The following MACROD1 variants were observed in gnomAD, a reference collection of about 807,000 sequenced individuals.
MACROD1 encodes the protein mono-ADP ribosylhydrolase 1, also known as ADP-ribose glycohydrolase MACROD1.
MACROD1 carries 31 observed loss-of-function variants against 41.4 expected under a neutral mutation model. That is an observed-to-expected ratio of 0.75 (90% CI 0.56 to 1.01). MACROD1 has a LOEUF of 1.01. MACROD1 is among the 50% of genes least tolerant of loss of function. The pLI, the probability that MACROD1 is intolerant of heterozygous loss-of-function variation, is 0.00. For synonymous variants in MACROD1, 252 were observed against 203.4 expected, an observed-to-expected ratio of 1.24 and a Z score of -2.03; for missense variants, 473 against 460.0, an observed-to-expected ratio of 1.03 and a Z score of -0.26.
chr11:64,027,462 C>G (rs766232556), intron 3 of MACROD1, among the ~76,000 whole-genome samples: 1 of 152,084 alleles, frequency 6.6e-6, no homozygotes, highest in Non-Finnish European at 1.5e-5. Context: ...AAGAGAAGAC[C>G]GTGGAGATGG....
At chr11:64,149,750 C>A (rs1175635633) in intron 3 of MACROD1, among the ~76,000 whole-genome samples, 3 of 152,268 alleles carry the variant, frequency 2.0e-5, no homozygotes, top group Non-Finnish European at 4.4e-5. Flanking sequence ...CACTGGCCTG[C>A]CTGACTGCCC....
rs903592430 is a variant in MACROD1, at chr11:64,090,802, T to A, written c.517+60437A>T. ...CTCCACCAGGCACTTGGGGTTTGTC[T>A]CTGGGGCTCTGCAGAAGCAGAGCCC... On this transcript the variant is annotated intron_variant, in intron 3 of 10. Coordinates refer to ENST00000255681, the MANE Select transcript of MACROD1 (RefSeq NM_014067.4). This position sits in a 1 kb window ranked among gnomAD's most constrained non-coding sequence, Gnocchi z 4.7. Among the ~76,000 whole-genome samples, 1 of 151,808 alleles carries A rather than the reference T, an allele frequency of 6.6e-6. No homozygotes were observed. Among genetic ancestry groups the A allele is most frequent in the Non-Finnish European group, 1.5e-5 (1 of 67,952 alleles).
intron 3 of MACROD1, among the ~76,000 whole-genome samples, chr11:64,119,656 C>T (rs1203637022): frequency 6.6e-6 from 1 of 152,136 alleles, no homozygotes; most frequent in East Asian, 1.9e-4. Flanking sequence ...CTCAGCTGGG[C>T]CCACCCCTGG....
rs897797726 is a variant in MACROD1 at position 64,064,186 on chromosome 11, G to T, written c.518-48905C>A. Among the ~76,000 whole-genome samples the T allele has an allele frequency of 6.6e-6, 1 of 152,144 alleles. No individual in the cohort carries two copies. Among genetic ancestry groups the T allele is most frequent in the African/African-American group, 2.4e-5 (1 of 41,406 alleles). On this transcript the variant is annotated intron_variant, in intron 3 of 10. Coordinates refer to ENST00000255681, the MANE Select transcript of MACROD1 (RefSeq NM_014067.4). The surrounding 1 kb of genome is among the most constrained non-coding windows in gnomAD (Gnocchi z 4.5). ...TCTTCTGAGGACAGATGCAGGCTGG[G>T]TTTACATGAATAAAACATCAGTGTA... is the stretch of plus-strand genomic sequence containing the variant.
intron 1 of MACROD1, among the ~76,000 whole-genome samples, chr11:64,164,759 G>A (rs1047288432): frequency 1.3e-5 from 2 of 150,974 alleles, no homozygotes; most frequent in Non-Finnish European, 3.0e-5. Context: ...ACTCCACCAC[G>A]GAGGCCCAGC....
At chr11:64,128,503 C>T (rs550138930) in intron 3 of MACROD1, among the ~76,000 whole-genome samples, 8 of 152,160 alleles carry the variant, frequency 5.3e-5, no homozygotes, top group Admixed American at 1.3e-4. Flanking sequence ...GACGCTTCCA[C>T]GGATAAGGAG....
intron 3 of MACROD1, among the ~76,000 whole-genome samples, chr11:64,028,857 G>A (rs1943257825): frequency 6.6e-6 from 1 of 152,146 alleles, no homozygotes; most frequent in East Asian, 1.9e-4. Context: ...CCAGGACTCA[G>A]GGAGGGAGAC....
At chr11:64,056,254 C>A (rs1943783143) in intron 3 of MACROD1, among the ~76,000 whole-genome samples, 1 of 152,070 alleles carries the variant, frequency 6.6e-6, no homozygotes. Context: ...ATGGGAGAGG[C>A]TGAGGGAGCT....
intron 3 of MACROD1, among the ~76,000 whole-genome samples, chr11:64,054,216 C>T (rs1943743532): frequency 6.6e-6 from 1 of 152,182 alleles, no homozygotes; most frequent in Admixed American, 6.5e-5. Context: ...TTTAGGTCTT[C>T]CAGGTTTGAG....
At chr11:64,125,783 T>A (rs1319301397) in intron 3 of MACROD1, among the ~76,000 whole-genome samples, 1 of 152,144 alleles carries the variant, frequency 6.6e-6, no homozygotes, top group East Asian at 1.9e-4. Context: ...GGGAGAGAAC[T>A]GGGGGAGGGC....
rs367899497 is a variant in MACROD1, at chr11:63,998,983, C to A, written c.945G>T (p.Arg315=). ...VFLEKDEDIY[R]SRLPHYFPVA is the part of the protein sequence containing the mutation. Reference sequence around the variant, plus strand: ...CGGGGAAGTAGTGGGGGAGCCGGCTCCGGTAGATGTCCTCGTCCTTCTCGA... The same window carrying A: ...CGGGGAAGTAGTGGGGGAGCCGGCTACGGTAGATGTCCTCGTCCTTCTCGA... The change falls in exon 9 of 11, where the codon CGG becomes CGT. Residue 315 remains arginine (R), a synonymous_variant. Transcript: ENST00000255681. 5.2e-4 allele frequency: 844 copies of A among 1,608,160 alleles called. 8 individuals are homozygous for A. In the South Asian group the frequency reaches 7.6e-3, roughly 14 times the overall value.
chr11:64,067,631 C>T lies in MACROD1; in HGVS notation c.518-52350G>A, dbSNP rs937940715. ...GACGCACCAACATGCCCGTGGCCTCCGGTGCACACACAGGGTCCCCAAGCA... is the reference window on the plus strand; with the variant it reads ...GACGCACCAACATGCCCGTGGCCTCTGGTGCACACACAGGGTCCCCAAGCA... On this transcript the variant is annotated intron_variant, in intron 3 of 10. Coordinates refer to ENST00000255681, the MANE Select transcript of MACROD1 (RefSeq NM_014067.4). This position sits in a 1 kb window ranked among gnomAD's most constrained non-coding sequence, Gnocchi z 4.6. Among the ~76,000 whole-genome samples, 3 of 152,280 alleles carry T rather than the reference C, an allele frequency of 2.0e-5. No homozygotes were observed. Among genetic ancestry groups the T allele is most frequent in the East Asian group, 1.9e-4 (1 of 5,168 alleles).
chr11:64,153,273 C>A (rs1945612889), intron 1 of MACROD1, among the ~76,000 whole-genome samples: 2 of 152,212 alleles, frequency 1.3e-5, no homozygotes, highest in South Asian at 4.1e-4. Context: ...CCTGCACACC[C>A]AGGCGCTCAG....
At chr11:64,101,970 T>C (rs1014076089) in intron 3 of MACROD1, among the ~76,000 whole-genome samples, 2 of 152,204 alleles carry the variant, frequency 1.3e-5, no homozygotes, top group Non-Finnish European at 2.9e-5. Context: ...TGCCAGGCTG[T>C]GAGCCCCGTG....
chr11:64,143,030 C>T (rs1945435314), intron 3 of MACROD1, among the ~76,000 whole-genome samples: 1 of 146,826 alleles, frequency 6.8e-6, no homozygotes, highest in African/African-American at 2.5e-5. Flanking sequence ...GGGAGGAACG[C>T]TTGACCCCAG....
At chr11:64,099,084 A>G (rs547774508) in intron 3 of MACROD1, among the ~76,000 whole-genome samples, 2 of 152,364 alleles carry the variant, frequency 1.3e-5, no homozygotes, top group East Asian at 3.9e-4. Flanking sequence ...TCTAGAAGAT[A>G]GGCAGGTGGT....
chr11:64,116,182 C>T, intron 3 of MACROD1: 3 of 1,510,480 alleles, frequency 2.0e-6, no homozygotes, highest in East Asian at 2.3e-5. Context: ...GCTGTCGCCG[C>T]CTCCCTCTCA....
intron 3 of MACROD1, among the ~76,000 whole-genome samples, chr11:64,108,674 G>A (rs1189048147): frequency 6.6e-6 from 1 of 152,230 alleles, no homozygotes; most frequent in African/African-American, 2.4e-5. Context: ...CCCGCTCTGG[G>A]GCTGAGAAAC....
At chr11:63,998,921 A>AG in intron 9 of MACROD1, 34 bp downstream of exon 9, 1 of 1,550,420 alleles carries the variant, frequency 6.4e-7, no homozygotes, top group Non-Finnish European at 8.7e-7. Context: ...GGACCGGGGC[A>AG]GGGGCGGGCC....
Sources: allele counts gnomAD v4.1 joint callset (sites outside exome capture counted in the v4.1 genomes callset), GRCh38; gene constraint gnomAD v4.1.1; non-coding constraint Gnocchi (gnomAD v3.1); transcripts MANE v1.5; gene names NCBI Gene and HGNC (gene_info 2026-07-23, HGNC 2026-07-21).